CSNK2A2IP: variants seen among roughly 807,000 people sequenced by gnomAD.
The protein encoded by CSNK2A2IP is casein kinase II subunit alpha'-interacting protein.
chr3:88,446,092 T>TTCTC, the CSNK2A2IP span, among the ~76,000 whole-genome samples: 1 of 135,240 alleles, frequency 7.4e-6, no homozygotes, highest in Non-Finnish European at 1.6e-5. Context: ...CTTTCTTTCT[T>TTCTC]TCTTTCTTTT....
At chr3:88,443,472 G>A in the CSNK2A2IP span, among the ~76,000 whole-genome samples, 2 of 152,272 alleles carry the variant, frequency 1.3e-5, no homozygotes, top group East Asian at 3.9e-4. Context: ...GAAGAGAAAA[G>A]TCTTGGAAGG....
the CSNK2A2IP span, among the ~76,000 whole-genome samples, chr3:88,464,511 T>C: frequency 2.0e-5 from 3 of 151,416 alleles, no homozygotes; most frequent in African/African-American, 4.8e-5. Flanking sequence ...AGAGAATCAG[T>C]GTGTGGAGAA....
the CSNK2A2IP span, among the ~76,000 whole-genome samples, chr3:88,464,341 T>C: frequency 1.3e-5 from 2 of 150,656 alleles, no homozygotes; most frequent in Non-Finnish European, 3.0e-5. Flanking sequence ...TATATCTATA[T>C]ATATAAAGAA....
At chr3:88,467,072 T>C in the CSNK2A2IP span, 2 of 843,130 alleles carry the variant, frequency 2.4e-6, no homozygotes, top group Non-Finnish European at 3.2e-6. Context: ...GGACTTAATA[T>C]GAAGCAAATA....
the CSNK2A2IP span, among the ~76,000 whole-genome samples, chr3:88,360,385 G>A: frequency 3.3e-5 from 5 of 151,994 alleles, no homozygotes; most frequent in African/African-American, 1.2e-4. Flanking sequence ...CACCCGCCTC[G>A]GCCTCCCAAA....
At chr3:88,358,104 A>G in the CSNK2A2IP span, among the ~76,000 whole-genome samples, 2,100 of 152,090 alleles carry the variant, frequency 0.014, 30 homozygotes, top group African/African-American at 0.031. Context: ...AGCTATTGTA[A>G]ATGGGATTAC....
chr3:88,395,997 A>G, the CSNK2A2IP span, among the ~76,000 whole-genome samples: 1 of 152,030 alleles, frequency 6.6e-6, no homozygotes, highest in African/African-American at 2.4e-5. Flanking sequence ...TACCATGATT[A>G]GTAAAATCAT....
the CSNK2A2IP span, among the ~76,000 whole-genome samples, chr3:88,357,480 T>C: frequency 2.6e-5 from 4 of 152,208 alleles, no homozygotes; most frequent in Non-Finnish European, 4.4e-5. Context: ...TTGCTTACTA[T>C]AGCTTTGTAG....
At chr3:88,369,316 TTG>T in the CSNK2A2IP span, among the ~76,000 whole-genome samples, 36 of 150,492 alleles carry the variant, frequency 2.4e-4, no homozygotes, top group Admixed American at 1.1e-3. Context: ...ATTTGCAAGT[TTG>T]TGTGTGTGTG....
the CSNK2A2IP span, among the ~76,000 whole-genome samples, chr3:88,381,394 G>A: frequency 6.6e-6 from 1 of 152,202 alleles, no homozygotes; most frequent in Non-Finnish European, 1.5e-5. Flanking sequence ...GGGCAATGAG[G>A]CTCCTGAAAT....
the CSNK2A2IP span, among the ~76,000 whole-genome samples, chr3:88,388,983 C>CT: frequency 4.8e-5 from 1 of 20,882 alleles, no homozygotes; most frequent in African/African-American, 5.8e-5. Context: ...TAACAATGAA[C>CT]CAGCAGACCA....
the CSNK2A2IP span, among the ~76,000 whole-genome samples, chr3:88,378,013 A>G: frequency 6.6e-6 from 1 of 151,952 alleles, no homozygotes; most frequent in East Asian, 1.9e-4. Flanking sequence ...ATATATAGCC[A>G]TCAAACTAAA....
chr3:88,467,224 A>T, the CSNK2A2IP span: 22,945 of 397,646 alleles, frequency 0.058, 1,206 homozygotes, highest in African/African-American at 0.18. Context: ...CTCCTCCACC[A>T]CCTCCTCCTC....
At chr3:88,368,843 G>T in the CSNK2A2IP span, among the ~76,000 whole-genome samples, 1 of 152,024 alleles carries the variant, frequency 6.6e-6, no homozygotes, top group Admixed American at 6.6e-5. Context: ...TTCAAGTTTA[G>T]AGGGCAAGAA....
At chr3:88,412,142 G>A in the CSNK2A2IP span, among the ~76,000 whole-genome samples, 4 of 151,734 alleles carry the variant, frequency 2.6e-5, no homozygotes, top group African/African-American at 9.7e-5. Flanking sequence ...ATTTTTGAAG[G>A]GGTAATAGTT....
the CSNK2A2IP span, among the ~76,000 whole-genome samples, chr3:88,368,751 T>C: frequency 1.3e-5 from 2 of 152,094 alleles, no homozygotes; most frequent in Non-Finnish European, 2.9e-5. Flanking sequence ...TGTGTTTGCA[T>C]TGACCTTTGA....
chr3:88,395,297 T>C, the CSNK2A2IP span, among the ~76,000 whole-genome samples: 2 of 152,232 alleles, frequency 1.3e-5, no homozygotes, highest in African/African-American at 4.8e-5. Context: ...TAAAAGTTTA[T>C]AGTGTTAGCA....
At chr3:88,400,845 C>A in the CSNK2A2IP span, among the ~76,000 whole-genome samples, 9 of 152,006 alleles carry the variant, frequency 5.9e-5, no homozygotes, top group African/African-American at 1.7e-4. Context: ...ATATAAGCAA[C>A]AAGAAACTAA....
At chr3:88,351,560 T>C in the CSNK2A2IP span, among the ~76,000 whole-genome samples, 2 of 152,088 alleles carry the variant, frequency 1.3e-5, no homozygotes, top group Non-Finnish European at 2.9e-5. Context: ...AAGATGTAAC[T>C]TTGTGTAGGT....
Sources: gnomAD v4.1 joint callset for allele counts (sites outside exome capture counted in the v4.1 genomes callset) on GRCh38, gnomAD v4.1.1 for gene constraint, MANE v1.5 for transcripts, NCBI Gene and HGNC (gene_info 2026-07-23, HGNC 2026-07-21) for gene names.